Variants in TMLHE observed in about 807,000 individuals in gnomAD.
The protein encoded by TMLHE is trimethyllysine dioxygenase, mitochondrial.
In TMLHE, 18 loss-of-function variants were observed where a neutral mutation model predicts 25.7. The ratio of observed to expected loss-of-function variants is 0.70; its 90% CI spans 0.48 to 1.04. TMLHE has a LOEUF of 1.04. TMLHE is among the 50% of genes least tolerant of loss of function. The pLI is 0.00. For synonymous variants in TMLHE, 105 were observed against 97.0 expected, an observed-to-expected ratio of 1.08 and a Z score of -0.49; for missense variants, 236 against 259.0, an observed-to-expected ratio of 0.91 and a Z score of 0.61.
intron 2 of TMLHE, among the ~76,000 whole-genome samples, chrX:155,528,888 G>A (rs1485635898): frequency 1.8e-5 from 2 of 111,654 alleles, no homozygotes; most frequent in Non-Finnish European, 3.8e-5. Context: ...TGTCACACAT[G>A]TGGAGCTGCA....
intron 1 of TMLHE, among the ~76,000 whole-genome samples, chrX:155,556,988 G>A (rs375581831): frequency 8.9e-6 from 1 of 112,177 alleles, no homozygotes; most frequent in African/African-American, 3.2e-5. Flanking sequence ...CCAGCTCACC[G>A]GCAGTCAGAG....
chrX:155,512,528 A>G (rs1557333866), intron 4 of TMLHE, among the ~76,000 whole-genome samples: 1 of 110,682 alleles, frequency 9.0e-6, no homozygotes, highest in Non-Finnish European at 1.9e-5. Context: ...ATAGTATTCC[A>G]TGGTGTATAT....
chrX:155,567,985 C>T (rs1557342305), intron 1 of TMLHE, among the ~76,000 whole-genome samples: 2 of 61,520 alleles, frequency 3.3e-5, no homozygotes. Context: ...ACAGTGGGCG[C>T]AGGACAGTGG....
intron 1 of TMLHE, among the ~76,000 whole-genome samples, chrX:155,548,627 C>G (rs1470491468): frequency 9.3e-6 from 1 of 108,103 alleles, no homozygotes; most frequent in Non-Finnish European, 1.9e-5. Context: ...CCCAGCTACT[C>G]AGGAGGCTGA....
intron 1 of TMLHE, among the ~76,000 whole-genome samples, chrX:155,558,852 T>C (rs2067476090): frequency 8.9e-6 from 1 of 111,900 alleles, no homozygotes; most frequent in African/African-American, 3.2e-5. Flanking sequence ...ATTTCATTCA[T>C]TCATTTAAGA....
rs1288495235 is a variant in TMLHE at position 155,514,050 on chromosome X, C to T, written c.574G>A (p.Val192Ile). 8 of 1,209,068 alleles carry T rather than the reference C, an allele frequency of 6.6e-6. No homozygotes were observed. The highest frequency in any genetic ancestry group is 3.0e-5 in the East Asian group (1 of 33,747). ...QNFLLYGIAFVENVPPTQEHT... is the reference protein window; with the variant it reads ...QNFLLYGIAFIENVPPTQEHT... Reference sequence around the variant, plus strand: ...TCTTGAGTGGGAGGGACATTTTCTACGAATGCAATTCCATAGAGCAGAAAG... The same window carrying T: ...TCTTGAGTGGGAGGGACATTTTCTATGAATGCAATTCCATAGAGCAGAAAG... The change falls in exon 4 of 8, where the codon GTA becomes ATA. Residue 192 changes from valine to isoleucine, a missense_variant. This residue lies in a region of TMLHE where 217 missense variants were observed against 214.6 expected (regional missense o/e 1.01). Coordinates refer to ENST00000334398, the MANE Select transcript of TMLHE (RefSeq NM_018196.4).
chrX:155,607,578 G>GA (rs1299229687), intron 1 of TMLHE, among the ~76,000 whole-genome samples: 6 of 109,811 alleles, frequency 5.5e-5, no homozygotes, highest in Non-Finnish European at 1.1e-4. Context: ...GCAAAAGAAA[G>GA]AAAAAAAAGG....
At position 155,565,780 on chromosome X, in the gene TMLHE, G is replaced by A. The variant is rs2067509937; in HGVS notation, c.-1-20503C>T. Among the ~76,000 whole-genome samples the A allele has an allele frequency of 3.2e-5, 2 of 62,142 alleles. 1 individual carries two copies. The highest frequency in any genetic ancestry group is 7.2e-5 in the African/African-American group (2 of 27,951). The allele number at this position is 62,142 out of a possible 115,157, so 54.0% of individuals were successfully genotyped here. On this transcript the variant is annotated intron_variant, in intron 1 of 7. Transcript: ENST00000334398. ...TACTGCTAGGTGGAAGAGGTGCCTC[G>A]ATACTCTGGAGATACTGACTTGAAA...
chrX:155,567,568 G>C (rs2067515225), intron 1 of TMLHE, among the ~76,000 whole-genome samples: 1 of 62,035 alleles, frequency 1.6e-5, no homozygotes, highest in African/African-American at 3.6e-5. Flanking sequence ...AAATAAACTG[G>C]ACAAAGTTGT....
Position 155,500,285 on chromosome X carries a change from A to C in TMLHE, c.995+6613T>G, listed in dbSNP as rs868964616. Among the ~76,000 whole-genome samples the C allele has an allele frequency of 3.3e-3, 352 of 105,686 alleles. 3 individuals carry two copies. Among genetic ancestry groups the C allele is most frequent in the African/African-American group, 0.011 (293 of 26,521 alleles). 91.8% of individuals were successfully genotyped at this position (105,686 alleles called of 115,157 possible). A position where few individuals can be genotyped will look rare whatever the true frequency, so the allele number is the denominator to read the frequency against. On this transcript the variant is annotated intron_variant, in intron 6 of 7. Coordinates refer to ENST00000334398, the MANE Select transcript of TMLHE (RefSeq NM_018196.4). ...AATGAACTCAAACAAATTTACAAGA[A>C]AAAAACGAACAACCCCATCAAAAAG...
rs1457387000 is a variant in TMLHE, at chrX:155,524,553, G to A, written c.261C>T (p.Asn87=). 2 of 1,207,608 alleles carry A rather than the reference G, an allele frequency of 1.7e-6. No individual in the cohort carries two copies. The highest frequency in any genetic ancestry group is 3.5e-5 in the African/African-American group (2 of 57,163). ...RDHCRSASCY[N]SKTHQRSLDT... Reference sequence around the variant, plus strand: ...CCAGGCTGCGCTGGTGAGTCTTAGAGTTGTAGCACGATGCTGAGCGGCAGT... The same window carrying A: ...CCAGGCTGCGCTGGTGAGTCTTAGAATTGTAGCACGATGCTGAGCGGCAGT... Residue 87 remains asparagine (N), a synonymous_variant, in exon 3 of 8, where the codon AAC becomes AAT. Transcript: ENST00000334398.
At chrX:155,580,478 G>A (rs1448929628) in intron 1 of TMLHE, among the ~76,000 whole-genome samples, 9 of 111,748 alleles carry the variant, frequency 8.1e-5, no homozygotes, top group African/African-American at 2.9e-4. Context: ...CCCACTAATA[G>A]GTATCTACCC....
At chrX:155,535,755 C>A (rs1325696375) in intron 2 of TMLHE, among the ~76,000 whole-genome samples, 1 of 111,884 alleles carries the variant, frequency 8.9e-6, no homozygotes, top group Non-Finnish European at 1.9e-5. Flanking sequence ...TTAAGCTCCA[C>A]ACATCAGTCA....
chrX:155,557,800 A>C (rs2067468444), intron 1 of TMLHE, among the ~76,000 whole-genome samples: 1 of 111,282 alleles, frequency 9.0e-6, no homozygotes, highest in African/African-American at 3.3e-5. Flanking sequence ...AGTGCTTCAA[A>C]CTCAATACTT....
At chrX:155,528,347 C>T (rs1169727225) in intron 2 of TMLHE, among the ~76,000 whole-genome samples, 1 of 108,846 alleles carries the variant, frequency 9.2e-6, no homozygotes, top group Non-Finnish European at 1.9e-5. Flanking sequence ...TTTTTTATGT[C>T]AGTAGCTTCT....
At chrX:155,505,340 G>A (rs782241242) in intron 6 of TMLHE, among the ~76,000 whole-genome samples, 5 of 111,892 alleles carry the variant, frequency 4.5e-5, no homozygotes, top group Middle Eastern at 4.6e-3. Flanking sequence ...AGATATATGA[G>A]AGATAACAGA....
chrX:155,559,119 T>A (rs1204273666), intron 1 of TMLHE, among the ~76,000 whole-genome samples: 2 of 111,899 alleles, frequency 1.8e-5, no homozygotes, highest in Non-Finnish European at 3.8e-5. Flanking sequence ...CCTATTTTCC[T>A]TAATGCCTTC....
At position 155,558,418 on chromosome X, in the gene TMLHE, TGTTTATATG is replaced by T. The variant is rs1557341198; in HGVS notation, c.-1-13150_-1-13142del. On this transcript the variant is annotated intron_variant, in intron 1 of 7. Coordinates refer to ENST00000334398, the MANE Select transcript of TMLHE (RefSeq NM_018196.4). ...CTTAATACATTATGTTGAAATGATA[TGTTTATATG>T]TCTTTCCCCCTAATAATGCTGGATG... 2.0e-4 allele frequency among the ~76,000 whole-genome samples: 22 copies of T among 112,011 alleles called. 1 individual carries two copies. The highest frequency in any genetic ancestry group is 2.8e-4 in the Non-Finnish European group (15 of 53,104).
chrX:155,601,923 G>GA (rs2067758261), intron 1 of TMLHE, among the ~76,000 whole-genome samples: 1 of 109,563 alleles, frequency 9.1e-6, no homozygotes, highest in Non-Finnish European at 1.9e-5. Flanking sequence ...TGGACTTTAA[G>GA]AAAAAAATGT....
Sources: gnomAD v4.1 joint callset for allele counts (sites outside exome capture counted in the v4.1 genomes callset) on GRCh38, gnomAD v4.1.1 for gene constraint, gnomAD v4.1.1 regional missense constraint, MANE v1.5 for transcripts, NCBI Gene and HGNC (gene_info 2026-07-23, HGNC 2026-07-21) for gene names.